SPOCK1: variants seen among roughly 807,000 people sequenced by gnomAD.
The protein encoded by SPOCK1 is SPARC (osteonectin), cwcv and kazal like domains proteoglycan 1.
In SPOCK1, 23 loss-of-function variants were observed where a neutral mutation model predicts 55.3. That is an observed-to-expected ratio of 0.42 (90% confidence interval 0.30 to 0.59). SPOCK1 has a LOEUF of 0.59. Among genes scored for constraint, SPOCK1 ranks in the 20% least tolerant of loss-of-function variants. The probability of loss-of-function intolerance (pLI) is 0.22; values close to 1 mark genes in which losing one functional copy is unlikely to be tolerated. For synonymous variants in SPOCK1, 226 were observed against 221.0 expected, an observed-to-expected ratio of 1.02 and a Z score of -0.20; for missense variants, 499 against 552.5, an observed-to-expected ratio of 0.90 and a Z score of 0.97.
At chr5:137,346,553 A>G (rs1021914726) in intron 2 of SPOCK1, among the ~76,000 whole-genome samples, 1 of 152,238 alleles carries the variant, frequency 6.6e-6, no homozygotes, top group African/African-American at 2.4e-5. Flanking sequence ...GAGGGTGAAC[A>G]GGAGGAATGC....
chr5:137,344,165 T>TCC (rs2127157492), intron 2 of SPOCK1, among the ~76,000 whole-genome samples: 1 of 152,324 alleles, frequency 6.6e-6, no homozygotes, highest in South Asian at 2.1e-4. Flanking sequence ...TCTTGATCCC[T>TCC]CCCAAGAGGC....
At chr5:137,498,301 C>CA (rs1491484347) in intron 2 of SPOCK1, 72 bp downstream of exon 2, 19 of 1,402,060 alleles carry the variant, frequency 1.4e-5, no homozygotes, top group East Asian at 1.0e-4. Flanking sequence ...CACACACACA[C>CA]CCCAACCCCG....
At chr5:137,279,206 G>C (rs759811981) in intron 2 of SPOCK1, among the ~76,000 whole-genome samples, 6 of 152,164 alleles carry the variant, frequency 3.9e-5, no homozygotes, top group Non-Finnish European at 5.9e-5. Flanking sequence ...AAATTAGATG[G>C]AGCCCAACTG....
chr5:137,396,031 C>G (rs1751841530), intron 2 of SPOCK1, among the ~76,000 whole-genome samples: 1 of 152,214 alleles, frequency 6.6e-6, no homozygotes, highest in Admixed American at 6.5e-5. Context: ...TAACATTACT[C>G]AATATTTTGC....
chr5:136,980,748 A>C (rs184517321), intron 9 of SPOCK1, among the ~76,000 whole-genome samples: 18 of 152,304 alleles, frequency 1.2e-4, no homozygotes, highest in Admixed American at 3.9e-4. Flanking sequence ...ATTGAGGCAT[A>C]TAATTTTGTT....
At chr5:137,408,327 T>C (rs1397480965) in intron 2 of SPOCK1, among the ~76,000 whole-genome samples, 1 of 151,780 alleles carries the variant, frequency 6.6e-6, no homozygotes, top group African/African-American at 2.4e-5. Context: ...TAGTCAGGAG[T>C]GGGGATGTGG....
At chr5:137,452,242 A>T (rs560103874) in intron 2 of SPOCK1, among the ~76,000 whole-genome samples, 2 of 152,358 alleles carry the variant, frequency 1.3e-5, no homozygotes, top group East Asian at 3.9e-4. Context: ...TCACCATCAC[A>T]TGCCGTGTGT....
intron 2 of SPOCK1, among the ~76,000 whole-genome samples, chr5:137,464,716 T>C (rs1753564942): frequency 6.6e-6 from 1 of 152,096 alleles, no homozygotes; most frequent in Non-Finnish European, 1.5e-5. Context: ...AACTCAGGTC[T>C]GCACATGCTG....
chr5:137,496,509 C>A (rs1754301557), intron 2 of SPOCK1, among the ~76,000 whole-genome samples: 1 of 152,182 alleles, frequency 6.6e-6, no homozygotes, highest in African/African-American at 2.4e-5. Context: ...GCCAGGAGCA[C>A]CAAGGCATCT....
At chr5:137,043,929 G>C (rs185919921) in intron 6 of SPOCK1, among the ~76,000 whole-genome samples, 64 of 152,318 alleles carry the variant, frequency 4.2e-4, no homozygotes, top group Non-Finnish European at 7.6e-4. Flanking sequence ...TTTGTTAATT[G>C]TGACAAATGT....
intron 6 of SPOCK1, among the ~76,000 whole-genome samples, chr5:137,002,179 T>C (rs191652525): frequency 5.9e-5 from 9 of 152,112 alleles, no homozygotes; most frequent in Admixed American, 2.6e-4. Context: ...ATAAGATGAG[T>C]TATACTAATT....
intron 3 of SPOCK1, among the ~76,000 whole-genome samples, chr5:137,250,486 A>G (rs1756487809): frequency 6.6e-6 from 1 of 152,058 alleles, no homozygotes; most frequent in South Asian, 2.1e-4. Context: ...TGAAATCAGG[A>G]TTTTTTTTAA....
At chr5:137,092,643 T>G (rs1322307820) in intron 5 of SPOCK1, among the ~76,000 whole-genome samples, 1 of 152,204 alleles carries the variant, frequency 6.6e-6, no homozygotes, top group Non-Finnish European at 1.5e-5. Flanking sequence ...GCCTAGTACA[T>G]TTTTGTATAT....
intron 2 of SPOCK1, among the ~76,000 whole-genome samples, chr5:137,379,008 C>A (rs889835799): frequency 6.6e-6 from 1 of 152,138 alleles, no homozygotes. Flanking sequence ...GCCTTTCATA[C>A]AACTAAGACT....
chr5:136,980,430 C>A (rs1750706477), intron 9 of SPOCK1, among the ~76,000 whole-genome samples: 1 of 152,160 alleles, frequency 6.6e-6, no homozygotes, highest in African/African-American at 2.4e-5. Flanking sequence ...CCACCCAAAT[C>A]TCATCTTGAA....
chr5:137,248,455 T>C (rs555044168), intron 3 of SPOCK1, among the ~76,000 whole-genome samples: 1 of 152,346 alleles, frequency 6.6e-6, no homozygotes, highest in Non-Finnish European at 1.5e-5. Flanking sequence ...TATGTCTAGC[T>C]GTGAAGCAGA....
chr5:137,466,191 C>T (rs141318755), intron 2 of SPOCK1, among the ~76,000 whole-genome samples: 2 of 152,242 alleles, frequency 1.3e-5, no homozygotes, highest in African/African-American at 4.8e-5. Context: ...CATTTTATTC[C>T]AAAAGCCACC....
chr5:137,228,371 C>T (rs1015552725), intron 3 of SPOCK1, among the ~76,000 whole-genome samples: 4 of 152,192 alleles, frequency 2.6e-5, no homozygotes, highest in African/African-American at 4.8e-5. Flanking sequence ...CCAGATGCAG[C>T]AGCTCATGCC....
chr5:137,331,054 A>C (rs1326053944), intron 2 of SPOCK1, among the ~76,000 whole-genome samples: 2 of 152,218 alleles, frequency 1.3e-5, no homozygotes, highest in Admixed American at 6.5e-5. Flanking sequence ...TTCCTAGCCT[A>C]ACTGAACTTC....
Sources: gnomAD v4.1 joint callset for allele counts (sites outside exome capture counted in the v4.1 genomes callset) on GRCh38, gnomAD v4.1.1 for gene constraint, MANE v1.5 for transcripts, NCBI Gene and HGNC (gene_info 2026-07-23, HGNC 2026-07-21) for gene names.